Variants in LYST observed in about 807,000 individuals in gnomAD.
LYST encodes lysosomal-trafficking regulator.
A neutral mutation model predicts 413.6 loss-of-function variants in LYST; 192 were observed. The ratio of observed to expected loss-of-function variants is 0.46; its 90% confidence interval spans 0.41 to 0.52. The LOEUF (loss-of-function observed/expected upper bound fraction) is 0.52, where lower values mean the gene tolerates loss of function less well. Ranked by LOEUF, LYST falls within the 20% of genes least tolerant of loss-of-function variation. The probability of loss-of-function intolerance (pLI) is 0.00; values close to 1 mark genes in which losing one functional copy is unlikely to be tolerated. For synonymous variants in LYST, 1,525 were observed against 1,567.3 expected, an observed-to-expected ratio of 0.97 and a Z score of 0.64; for missense variants, 3,815 against 4,499.9, an observed-to-expected ratio of 0.85 and a Z score of 4.35.
At chr1:235,851,866 A>G (rs1053018265) in intron 1 of LYST, among the ~76,000 whole-genome samples, 1 of 152,200 alleles carries the variant, frequency 6.6e-6, no homozygotes, top group African/African-American at 2.4e-5. Context: ...CTGAATAAGA[A>G]AATTCATGAA....
intron 3 of LYST, among the ~76,000 whole-genome samples, chr1:235,813,768 T>C (rs1250307501): frequency 1.3e-5 from 2 of 152,162 alleles, no homozygotes; most frequent in Non-Finnish European, 2.9e-5. Context: ...GCAGTCATTA[T>C]CAGAAGTATG....
chr1:235,795,157 A>G (rs1459133263), intron 10 of LYST, among the ~76,000 whole-genome samples: 6 of 152,214 alleles, frequency 3.9e-5, no homozygotes, highest in African/African-American at 1.4e-4. Flanking sequence ...AGAAAGTGAC[A>G]GTGCGGCCGA....
chr1:235,762,117 G>T (rs1319597621), intron 22 of LYST, among the ~76,000 whole-genome samples: 1 of 151,606 alleles, frequency 6.6e-6, no homozygotes, highest in African/African-American at 2.4e-5. Flanking sequence ...AAAACTTAAA[G>T]TGTAATTATA....
At position 235,759,503 on chromosome 1, in the gene LYST, T is replaced by C. The variant is rs974186008; in HGVS notation, c.6350A>G (p.Gln2117Arg). 6.2e-7 allele frequency: 1 copy of C among 1,614,136 alleles called. No homozygotes were observed. Among genetic ancestry groups the C allele is most frequent in the East Asian group, 2.2e-5 (1 of 44,880 alleles). Residue 2117 changes from glutamine (Q) to arginine (R), a missense_variant, in exon 23 of 53, where the codon CAA becomes CGA. Transcript: ENST00000389793. ...PAFPTSSLLT[Q>R]SQKLTGSLGC... ...CAAACTTCCAGTCAGTTTTTGTGAT[T>C]GCGTTAGTAGTGAAGAAGTAGGGAA... is the stretch of plus-strand genomic sequence containing the variant.
chr1:235,738,821 C>T, intron 31 of LYST: 1 of 796,614 alleles, frequency 1.3e-6, no homozygotes, highest in Non-Finnish European at 2.3e-6. Context: ...ACCCAATTTC[C>T]ACCATGATTG....
chr1:235,851,585 T>C (rs1285475151), intron 1 of LYST, among the ~76,000 whole-genome samples: 1 of 151,836 alleles, frequency 6.6e-6, no homozygotes, highest in African/African-American at 2.4e-5. Context: ...AAAAGGTTTA[T>C]TGGCAAAAAA....
intron 7 of LYST, among the ~76,000 whole-genome samples, chr1:235,804,163 C>T (rs1672553271): frequency 6.6e-6 from 1 of 152,132 alleles, no homozygotes; most frequent in African/African-American, 2.4e-5. Context: ...AAATCACCAC[C>T]ATCCCTGAAT....
At chr1:235,782,209 C>T (rs527334182) in intron 14 of LYST, 122 bp from the exon 15 acceptor site, 25 of 835,948 alleles carry the variant, frequency 3.0e-5, no homozygotes, top group East Asian at 1.4e-4. Context: ...GACAGAGTCT[C>T]GCTCTGTTGC....
rs756803088 is a variant in LYST, at chr1:235,731,052, C to T, written c.8927G>A (p.Arg2976Lys). 3 of 1,613,566 alleles carry T rather than the reference C, an allele frequency of 1.9e-6. No individual in the cohort carries two copies. Among genetic ancestry groups the T allele is most frequent in the African/African-American group, 1.3e-5 (1 of 74,894 alleles). Residue 2976 changes from arginine to lysine, a missense_variant, in exon 35 of 53, where the codon AGG (arginine) becomes AAG (lysine). This residue lies in a region of LYST where 866 missense variants were observed against 1,156.0 expected (regional missense o/e 0.75). Coordinates refer to ENST00000389793, the MANE Select transcript of LYST (RefSeq NM_000081.4). The stretch of plus-strand genomic sequence containing the variant: ...ATTACCTTCTGATTTCTGTCTATCC[C>T]TAAGGAGATACTTATTTGGAATAGT... ...YLTIPNKYLLRDRQKSEDVVK... is the reference protein window; with the variant it reads ...YLTIPNKYLLKDRQKSEDVVK...
rs906448234 is a variant in LYST, at chr1:235,809,703, T to G, written c.1115A>C (p.Asp372Ala). The G allele has an allele frequency of 2.5e-6, 4 of 1,613,486 alleles. No individual in the cohort carries two copies. In the African/African-American group the frequency reaches 5.3e-5, roughly 22 times the overall value. Residue 372 changes from aspartate to alanine, a missense_variant, in exon 5 of 53, where the codon GAC becomes GCC. Around this residue, in one of 4 missense-constraint regions of LYST, gnomAD observed 1,648 missense variants for 1,810.3 expected, o/e 0.91. Transcript: ENST00000389793. The surrounding 1 kb of genome is among the most constrained non-coding windows in gnomAD (Gnocchi z 4.0). ...TTTCTTTTGTCTTGGTGCAAAAGGG[T>G]CAGGCTGCTTTTCTAGGCATATTCT... Reference protein sequence around the residue: ...KIRICLEKQPDPFAPRQKKTL... With the variant: ...KIRICLEKQPAPFAPRQKKTL...
chr1:235,785,153 C>T (rs1307835451), intron 14 of LYST, among the ~76,000 whole-genome samples: 2 of 152,206 alleles, frequency 1.3e-5, no homozygotes, highest in African/African-American at 4.8e-5. Flanking sequence ...CTCCTCCCAC[C>T]TGCACAGGGC....
intron 16 of LYST, among the ~76,000 whole-genome samples, chr1:235,778,593 C>T (rs549677331): frequency 1.3e-5 from 2 of 151,736 alleles, no homozygotes; most frequent in Non-Finnish European, 1.5e-5. Context: ...AGGCTGGTCT[C>T]GAACTGGCTG....
intron 3 of LYST, among the ~76,000 whole-genome samples, chr1:235,822,105 C>T (rs1674809840): frequency 6.6e-6 from 1 of 152,124 alleles, no homozygotes; most frequent in African/African-American, 2.4e-5. Flanking sequence ...ACAGCTTGGC[C>T]TAAAAGGGAT....
chr1:235,832,345 T>C (rs560016567), intron 2 of LYST, among the ~76,000 whole-genome samples: 1 of 152,224 alleles, frequency 6.6e-6, no homozygotes, highest in Non-Finnish European at 1.5e-5. Flanking sequence ...TGTGAAAAAC[T>C]GAAAAATTAT....
At chr1:235,813,980 G>A (rs1368832430) in intron 3 of LYST, among the ~76,000 whole-genome samples, 2 of 152,192 alleles carry the variant, frequency 1.3e-5, no homozygotes, top group African/African-American at 4.8e-5. Context: ...TAATCCAGAT[G>A]AGAGAGATGA....
chr1:235,844,990 G>A, intron 1 of LYST, among the ~76,000 whole-genome samples: 1 of 152,078 alleles, frequency 6.6e-6, no homozygotes, highest in East Asian at 1.9e-4. Context: ...GGCGAAGGGA[G>A]GCAGGACTAG....
chr1:235,762,878 G>C, intron 21 of LYST, 27 bp from the exon 22 acceptor site: 1 of 1,601,708 alleles, frequency 6.2e-7, no homozygotes, highest in Non-Finnish European at 8.5e-7. Flanking sequence ...TTTTGAAACA[G>C]CAAAATTTTT....
chr1:235,809,865 T>C lies in LYST; in HGVS notation c.953A>G (p.Glu318Gly). 3 of 1,614,036 alleles carry C rather than the reference T, an allele frequency of 1.9e-6. No homozygotes were observed. Among genetic ancestry groups the C allele is most frequent in the Non-Finnish European group, 1.7e-6 (2 of 1,179,990 alleles). The part of the protein sequence containing the change: ...SRVVSAGWTE[E>G]PVALIQRMLF... ...CATCCTTTGAATCAAAGCCACCGGT[T>C]CTTCGGTCCAACCTGCAGAAACTAC... The change falls in exon 5 of 53, where the codon GAA becomes GGA. Residue 318 changes from glutamate (E) to glycine (G), a missense_variant. Transcript: ENST00000389793. This position sits in a 1 kb window ranked among gnomAD's most constrained non-coding sequence, Gnocchi z 4.0.
At chr1:235,793,910 G>A (rs904665431) in intron 10 of LYST, among the ~76,000 whole-genome samples, 2 of 152,100 alleles carry the variant, frequency 1.3e-5, no homozygotes, top group Admixed American at 1.3e-4. Flanking sequence ...TCGGCTCACT[G>A]CAACCTCCAC....
Sources: allele counts gnomAD v4.1 joint callset (sites outside exome capture counted in the v4.1 genomes callset), GRCh38; gene constraint gnomAD v4.1.1; regional missense constraint gnomAD v4.1.1; non-coding constraint Gnocchi (gnomAD v3.1); transcripts MANE v1.5; gene names NCBI Gene and HGNC (gene_info 2026-07-23, HGNC 2026-07-21).